The following CSMD2 variants were observed in gnomAD, a reference collection of about 807,000 sequenced individuals.
The protein encoded by CSMD2 is CUB and sushi domain-containing protein 2.
Under a neutral mutation model 398.5 loss-of-function variants are expected in CSMD2, and 130 were observed. The ratio of observed to expected loss-of-function variants is 0.33; its 90% CI spans 0.28 to 0.38. The LOEUF is 0.38. CSMD2 is among the 10% of genes least tolerant of loss of function. The pLI is 1.00. For missense variants in CSMD2, 3,829 were observed against 4,764.9 expected, an observed-to-expected ratio of 0.80 and a Z score of 5.78; for synonymous variants, 1,828 against 1,908.5, an observed-to-expected ratio of 0.96 and a Z score of 1.10.
At chr1:33,806,991 T>C (rs984257324) in intron 10 of CSMD2, among the ~76,000 whole-genome samples, 1 of 152,162 alleles carries the variant, frequency 6.6e-6, no homozygotes, top group Non-Finnish European at 1.5e-5. Context: ...ATACAATCCA[T>C]AGATTCAAGA....
chr1:34,146,461 A>G (rs547162023), intron 1 of CSMD2, among the ~76,000 whole-genome samples: 1 of 152,302 alleles, frequency 6.6e-6, no homozygotes, highest in East Asian at 1.9e-4. Flanking sequence ...CTAAAGAGTA[A>G]AGTCACTCCC....
Position 33,700,500 on chromosome 1 carries a change from A to G in CSMD2, c.3733+17T>C, listed in dbSNP as rs1645575710. Reference sequence around the variant, plus strand: ...AACCCTGACTTCCTTGTCCACACAGATGCAAGAAAGACTTACTGGAAAAGT... The same window carrying G: ...AACCCTGACTTCCTTGTCCACACAGGTGCAAGAAAGACTTACTGGAAAAGT... On this transcript the variant is annotated intron_variant, in intron 23 of 70. Coordinates refer to ENST00000373381, the MANE Select transcript of CSMD2 (RefSeq NM_001281956.2). 3 of 1,613,550 alleles carry G rather than the reference A, an allele frequency of 1.9e-6. No homozygotes were observed. Among genetic ancestry groups the G allele is most frequent in the Non-Finnish European group, 2.5e-6 (3 of 1,179,610 alleles).
In CSMD2 at chr1:34,053,520, G is replaced by A. The variant is rs143626236; in HGVS notation, c.405-20814C>T. ...AATACAGGTCCATTATGATTGCGGT[G>A]CTCTACTACCCTAGAATCCCTCTTT... On this transcript the variant is annotated intron_variant, in intron 2 of 70. Coordinates refer to ENST00000373381, the MANE Select transcript of CSMD2 (RefSeq NM_001281956.2). Among the ~76,000 whole-genome samples, 1,468 of 152,240 alleles carry A rather than the reference G, an allele frequency of 9.6e-3. 21 individuals are homozygous for A. Among genetic ancestry groups the A allele is most frequent in the African/African-American group, 0.031 (1,306 of 41,540 alleles).
intron 51 of CSMD2, among the ~76,000 whole-genome samples, chr1:33,570,165 G>GGTTTTT (rs1436759869): frequency 8.3e-6 from 1 of 119,810 alleles, no homozygotes; most frequent in Non-Finnish European, 1.8e-5. Flanking sequence ...ACGGACATTG[G>GGTTTTT]CTTTTTTTTT....
At chr1:33,813,493 C>A (rs1471898824) in intron 9 of CSMD2, among the ~76,000 whole-genome samples, 1 of 152,136 alleles carries the variant, frequency 6.6e-6, no homozygotes, top group East Asian at 1.9e-4. Context: ...ATGAACATAT[C>A]ATTTTGTTTC....
chr1:33,805,473 T>A (rs1346167851), intron 10 of CSMD2, among the ~76,000 whole-genome samples: 1 of 152,074 alleles, frequency 6.6e-6, no homozygotes, highest in Admixed American at 6.5e-5. Flanking sequence ...AATTTTAAAG[T>A]GTTAGGTAAA....
At position 33,788,709 on chromosome 1, in the gene CSMD2, C is replaced by G. The variant is rs749870387; in HGVS notation, c.1554G>C (p.Leu518=). The G allele has an allele frequency of 6.3e-7, 1 of 1,598,340 alleles. No homozygotes were observed. Among genetic ancestry groups the G allele is most frequent in the Admixed American group, 1.7e-5 (1 of 60,010 alleles). ...TGAGATCCGGGACCGATGTACCTGT[C>G]AGGCTGGCAGGAGAGAGATATTTAG... The part of the protein sequence containing the change: ...DGDQKTVLYI[L]TGTSVPDLIV... The change falls in exon 12 of 71, where the codon CTG becomes CTC. Residue 518 remains leucine, a synonymous_variant. Transcript: ENST00000373381.
intron 25 of CSMD2, among the ~76,000 whole-genome samples, chr1:33,676,982 T>G (rs953579525): frequency 1.3e-5 from 2 of 152,168 alleles, no homozygotes; most frequent in Non-Finnish European, 2.9e-5. Context: ...AAGACTTACA[T>G]GTTAGACCTA....
At chr1:34,108,353 C>T (rs931451710) in intron 1 of CSMD2, among the ~76,000 whole-genome samples, 1 of 152,188 alleles carries the variant, frequency 6.6e-6, no homozygotes, top group Non-Finnish European at 1.5e-5. Context: ...TCTGCCTTGC[C>T]ACTTGCTAGC....
At chr1:33,915,941 CAG>C (rs1424967504) in intron 5 of CSMD2, among the ~76,000 whole-genome samples, 1 of 152,152 alleles carries the variant, frequency 6.6e-6, no homozygotes, top group Non-Finnish European at 1.5e-5. Flanking sequence ...TGATCTCAAG[CAG>C]GTAGTATAAC....
intron 22 of CSMD2, among the ~76,000 whole-genome samples, chr1:33,704,785 G>T (rs572648833): frequency 6.6e-6 from 1 of 152,050 alleles, no homozygotes; most frequent in African/African-American, 2.4e-5. Context: ...TTTTTGAGAC[G>T]GAGTCTCTCT....
At chr1:34,148,838 G>A (rs1016239220) in intron 1 of CSMD2, among the ~76,000 whole-genome samples, 3 of 152,192 alleles carry the variant, frequency 2.0e-5, no homozygotes, top group Non-Finnish European at 2.9e-5. Flanking sequence ...GACTCTCACA[G>A]GCACAGGAAT....
intron 4 of CSMD2, among the ~76,000 whole-genome samples, chr1:33,923,500 C>A (rs1020422734): frequency 2.6e-5 from 4 of 152,156 alleles, no homozygotes; most frequent in African/African-American, 9.7e-5. Context: ...AATTAAACCT[C>A]TTTTCTTGAT....
chr1:33,557,797 C>G lies in CSMD2; in HGVS notation c.8680G>C (p.Gly2894Arg). ...YRCNHGFYLL[G>R]TPVLSCQGDG... The stretch of plus-strand genomic sequence containing the variant: ...CCCTGGCAGCTGAGCACTGGGGTGC[C>G]CAGGAGGTAGAAGCCGTGGTTGCAC... The change falls in exon 55 of 71, where the codon GGC (glycine) becomes CGC (arginine). Residue 2894 changes from glycine to arginine, a missense_variant. Physicochemically the swap from Gly to Arg is moderately radical, Grantham distance 125. Around this residue, in one of 5 missense-constraint regions of CSMD2, gnomAD observed 917 missense variants for 1,199.5 expected, o/e 0.76. Transcript: ENST00000373381. 6.5e-7 allele frequency: 1 copy of G among 1,536,044 alleles called. No individual in the cohort carries two copies. The highest frequency in any genetic ancestry group is 8.7e-7 in the Non-Finnish European group (1 of 1,146,898).
intron 25 of CSMD2, among the ~76,000 whole-genome samples, chr1:33,674,918 A>G (rs1240933147): frequency 1.3e-5 from 2 of 152,230 alleles, no homozygotes; most frequent in African/African-American, 4.8e-5. Context: ...AATGAGAACA[A>G]AGACACAACA....
At chr1:33,668,713 G>A (rs1644393460) in intron 25 of CSMD2, among the ~76,000 whole-genome samples, 1 of 152,292 alleles carries the variant, frequency 6.6e-6, no homozygotes, top group Admixed American at 6.5e-5. Context: ...CTGAAGTGGA[G>A]GAAAGAGGTG....
At chr1:33,706,336 T>G (rs1009474444) in intron 22 of CSMD2, among the ~76,000 whole-genome samples, 20 of 152,208 alleles carry the variant, frequency 1.3e-4, no homozygotes, top group African/African-American at 4.8e-4. Context: ...ATAAACTGAT[T>G]TCATTTTTCT....
At chr1:34,148,219 A>T (rs1254732260) in intron 1 of CSMD2, among the ~76,000 whole-genome samples, 2 of 152,198 alleles carry the variant, frequency 1.3e-5, no homozygotes, top group Non-Finnish European at 2.9e-5. Flanking sequence ...AACATTTCCC[A>T]AAATATTTAG....
intron 39 of CSMD2, among the ~76,000 whole-genome samples, 153 bp downstream of exon 39, chr1:33,616,753 T>C (rs1641416575): frequency 6.6e-6 from 1 of 152,192 alleles, no homozygotes; most frequent in Non-Finnish European, 1.5e-5. Flanking sequence ...AGTTAGAGAT[T>C]ATAAAAACAT....
Sources: allele counts gnomAD v4.1 joint callset (sites outside exome capture counted in the v4.1 genomes callset), GRCh38; gene constraint gnomAD v4.1.1; regional missense constraint gnomAD v4.1.1; transcripts MANE v1.5; gene names NCBI Gene and HGNC (gene_info 2026-07-23, HGNC 2026-07-21).